Variants in SZT2 observed in about 807,000 individuals in gnomAD.
The protein encoded by SZT2 is SZT2 subunit of KICSTOR complex, also known as KICSTOR complex protein SZT2.
A neutral mutation model predicts 404.2 loss-of-function variants in SZT2; 216 were observed. The observed-to-expected ratio is 0.53, with a 90% confidence interval of 0.48 to 0.60. The LOEUF (loss-of-function observed/expected upper bound fraction) is 0.60, where lower values mean the gene tolerates loss of function less well. Ranked by LOEUF, SZT2 falls within the 20% of genes least tolerant of loss-of-function variation. SZT2 has a pLI of 0.00. For synonymous variants in SZT2, 1,693 were observed against 1,749.9 expected (o/e 0.97, Z 0.81); for missense variants, 3,857 against 4,459.2 (o/e 0.86, Z 3.85).
chr1:43,431,945 C>G, intron 36 of SZT2, 44 bp downstream of exon 36: 17 of 1,604,490 alleles, frequency 1.1e-5, no homozygotes, highest in Non-Finnish European at 1.4e-5. Context: ...TGGGGCCCGT[C>G]CTTCCCTGGG....
Position 43,430,677 on chromosome 1 carries a change from G to A in SZT2, c.4662G>A (p.Gly1554=). ...FSILGGDSPT[G]PESFLHDLPP... ...TCTTGGGGGGCGACTCACCCACTGG[G>A]CCTGAGAGCTTCCTTCATGACCTGC... Residue 1554 remains glycine (G), a synonymous_variant, in exon 32 of 72, where the codon GGG becomes GGA. Coordinates refer to ENST00000634258, the MANE Select transcript of SZT2 (RefSeq NM_001365999.1). 1 of 1,614,024 alleles carries A rather than the reference G, an allele frequency of 6.2e-7. No individual in the cohort carries two copies. Among genetic ancestry groups the A allele is most frequent in the Non-Finnish European group, 8.5e-7 (1 of 1,180,036 alleles).
chr1:43,408,796 G>T (rs1351323373), intron 4 of SZT2, among the ~76,000 whole-genome samples: 4 of 152,022 alleles, frequency 2.6e-5, no homozygotes, highest in Non-Finnish European at 4.4e-5. Context: ...AGTTCTGCTC[G>T]TTTTCCTTCC....
At position 43,419,823 on chromosome 1, in the gene SZT2, C is replaced by A. The variant is rs773877052; in HGVS notation, c.969C>A (p.Ser323=). Residue 323 remains serine (S), a synonymous_variant, in exon 8 of 72, where the codon TCC becomes TCA. Transcript: ENST00000634258. ...MKFIAMATFG[S]YLSTCPEPEP... Reference sequence around the variant, plus strand: ...TCATCGCAATGGCAACATTTGGGTCCTACCTGTCCACTTGTCCTGAGCCGG... The same window carrying A: ...TCATCGCAATGGCAACATTTGGGTCATACCTGTCCACTTGTCCTGAGCCGG... 6.9e-6 allele frequency: 11 copies of A among 1,598,482 alleles called. No homozygotes were observed. The highest frequency in any genetic ancestry group is 9.3e-6 in the Non-Finnish European group (11 of 1,179,810).
At position 43,425,616 on chromosome 1, in the gene SZT2, C is replaced by T. The variant is rs148208657; in HGVS notation, c.2788C>T (p.Leu930=). 59 of 1,614,110 alleles carry T rather than the reference C, an allele frequency of 3.7e-5. No individual in the cohort carries two copies. The African/African-American group carries it at 6.5e-4, about 18-fold the overall frequency. The change falls in exon 19 of 72, where the codon CTG becomes TTG. Residue 930 remains leucine, a synonymous_variant. Coordinates refer to ENST00000634258, the MANE Select transcript of SZT2 (RefSeq NM_001365999.1). The surrounding 1 kb of genome is among the most constrained non-coding windows in gnomAD (Gnocchi z 4.3). ...GPGIWKHLQD[L]TYSEIPQALH... ...TGGAATCTGGAAGCACCTCCAGGAC[C>T]TGACGTATTCTGAGATCCCGCAAGC...
chr1:43,440,239 C>T (rs995893974), intron 51 of SZT2, among the ~76,000 whole-genome samples, 191 bp downstream of exon 51: 5 of 152,330 alleles, frequency 3.3e-5, no homozygotes, highest in East Asian at 3.9e-4. Flanking sequence ...CAGCAGTGAA[C>T]GGATGCAGCT....
chr1:43,403,565 C>T (rs1472093093), intron 2 of SZT2, 36 bp from the exon 3 acceptor site: 1 of 1,600,776 alleles, frequency 6.2e-7, no homozygotes, highest in East Asian at 2.2e-5. Context: ...GGATACTTCG[C>T]TGATCCTTTC....
chr1:43,422,247 C>A (rs1652451221), intron 12 of SZT2, 22 bp downstream of exon 12: 4 of 1,560,594 alleles, frequency 2.6e-6, no homozygotes, highest in South Asian at 1.1e-5. Flanking sequence ...TAGGGCTGGG[C>A]CATAGTTGGG....
rs1655943020 is a variant in SZT2 at position 43,448,320 on chromosome 1, G to A, written c.9805G>A (p.Ala3269Thr). Residue 3269 changes from alanine (A) to threonine (T), a missense_variant, in exon 69 of 72, where the codon GCT becomes ACT. By Grantham distance (58) the Ala-to-Thr change is moderately conservative. Around this residue, in one of 7 missense-constraint regions of SZT2, gnomAD observed 717 missense variants for 868.2 expected, o/e 0.83. Transcript: ENST00000634258. This position sits in a 1 kb window ranked among gnomAD's most constrained non-coding sequence, Gnocchi z 4.2. ...RARLAQLVRL[A>T]GGHCRRDTLW... ...ACGGCTGGCTCAGCTGGTGCGGCTG[G>A]CTGGAGGGCACTGCCGTCGGGACAC... 1 of 1,553,068 alleles carries A rather than the reference G, an allele frequency of 6.4e-7. No homozygotes were observed. Among genetic ancestry groups the A allele is most frequent in the Non-Finnish European group, 8.7e-7 (1 of 1,148,466 alleles).
Position 43,452,273 on chromosome 1 carries a change from C to T in SZT2, c.*1793C>T. On this transcript the variant is annotated 3_prime_UTR_variant, in exon 72 of 72. Coordinates refer to ENST00000634258, the MANE Select transcript of SZT2 (RefSeq NM_001365999.1). ...ACGGCCTCCATCTCAGCCTTGACTG[C>T]TATTCGATCAGCTCCCTGGGGTACT... 6.2e-7 allele frequency: 1 copy of T among 1,614,142 alleles called. No individual in the cohort carries two copies. The highest frequency in any genetic ancestry group is 8.5e-7 in the Non-Finnish European group (1 of 1,180,004).
At chr1:43,410,978 G>A (rs755673097) in intron 4 of SZT2, among the ~76,000 whole-genome samples, 14 of 152,074 alleles carry the variant, frequency 9.2e-5, no homozygotes, top group Non-Finnish European at 1.9e-4. Flanking sequence ...GCAGGGTGAG[G>A]GAGGCCATTC....
intron 66 of SZT2, 152 bp downstream of exon 66, chr1:43,447,320 G>T: frequency 8.9e-7 from 1 of 1,125,410 alleles, no homozygotes; most frequent in Non-Finnish European, 1.3e-6. Flanking sequence ...TTTCTGTCCT[G>T]TGTCTGTTTC....
In SZT2 at chr1:43,426,161, C is replaced by G. The variant is rs752209815; in HGVS notation, c.3043+10C>G. 7 of 1,612,680 alleles carry G rather than the reference C, an allele frequency of 4.3e-6. No homozygotes were observed. Among genetic ancestry groups the G allele is most frequent in the Non-Finnish European group, 5.9e-6 (7 of 1,178,834 alleles). On this transcript the variant is annotated intron_variant, in intron 21 of 71. Coordinates refer to ENST00000634258, the MANE Select transcript of SZT2 (RefSeq NM_001365999.1). This position sits in a 1 kb window ranked among gnomAD's most constrained non-coding sequence, Gnocchi z 4.9. ...CTCTTGCTTGCCAGAGGTAGGTGAA[C>G]CTGGTACCCTTTCACCCCACACCTA... is the stretch of plus-strand genomic sequence containing the variant.
chr1:43,414,525 T>G (rs1651470754), intron 4 of SZT2, among the ~76,000 whole-genome samples: 1 of 152,064 alleles, frequency 6.6e-6, no homozygotes, highest in Admixed American at 6.6e-5. Context: ...AGGTCCCAGT[T>G]AAGCAATTCT....
At chr1:43,391,932 A>AC (rs1648402712) in intron 1 of SZT2, among the ~76,000 whole-genome samples, 4 of 69,296 alleles carry the variant, frequency 5.8e-5, no homozygotes, top group African/African-American at 1.2e-4. Flanking sequence ...AAAATACAAA[A>AC]AATTAGCTGG....
intron 52 of SZT2, among the ~76,000 whole-genome samples, chr1:43,440,988 C>T (rs947572639): frequency 3.3e-5 from 5 of 152,170 alleles, no homozygotes; most frequent in Admixed American, 1.3e-4. Flanking sequence ...TTTTTCTTGT[C>T]GGATCCTCAC....
At position 43,443,350 on chromosome 1, in the gene SZT2, A is replaced by G. The variant is rs1405655263; in HGVS notation, c.8500-2A>G. 2 of 1,613,992 alleles carry G rather than the reference A, an allele frequency of 1.2e-6. No individual in the cohort carries two copies. Among genetic ancestry groups the G allele is most frequent in the South Asian group, 1.1e-5 (1 of 91,082 alleles). ...TCCATGCTCACTGCCCTGTTTCCCC[A>G]GGCTGGAGAGCTGGAGACCCTGAAG... On this transcript the variant is annotated splice_acceptor_variant, in intron 60 of 71. Transcript: ENST00000634258. LOFTEE classifies it high-confidence loss of function.
chr1:43,436,853 A>G, intron 42 of SZT2: 2 of 388,784 alleles, frequency 5.1e-6, no homozygotes, highest in Non-Finnish European at 9.4e-6. Context: ...CTACTGACAT[A>G]TATTATGACA....
At position 43,427,315 on chromosome 1, in the gene SZT2, A is replaced by T. The variant is rs967584094; in HGVS notation, c.3468A>T (p.Gly1156=). 1.2e-6 allele frequency: 2 copies of T among 1,612,610 alleles called. No homozygotes were observed. Among genetic ancestry groups the T allele is most frequent in the Non-Finnish European group, 1.7e-6 (2 of 1,179,436 alleles). ...VQRLAACGLE[G]PPQEETKPKF... ...GTCTGGCTGCCTGTGGCCTGGAGGG[A>T]CCCCCTCAAGAGGAGACAAAGCCTA... The change falls in exon 25 of 72, where the codon GGA becomes GGT. Residue 1156 remains glycine, a synonymous_variant. Coordinates refer to ENST00000634258, the MANE Select transcript of SZT2 (RefSeq NM_001365999.1).
chr1:43,425,311 G>C lies in SZT2; in HGVS notation c.2645+104G>C. 6.6e-7 allele frequency: 1 copy of C among 1,525,422 alleles called. No homozygotes were observed. The highest frequency in any genetic ancestry group is 1.8e-5 in the Admixed American group (1 of 56,618). 94.5% of individuals were successfully genotyped at this position (1,525,422 alleles called of 1,614,324 possible). A position where few individuals can be genotyped will look rare whatever the true frequency, so the allele number is the denominator to read the frequency against. On this transcript the variant is annotated intron_variant, in intron 18 of 71. Transcript: ENST00000634258. The surrounding 1 kb of genome is among the most constrained non-coding windows in gnomAD (Gnocchi z 4.3). ...ATCCTGAGATGATCTTGATCCCAAA[G>C]TCAGGGAGGGGGTGCGGTGTTTAGA...
Sources: allele counts gnomAD v4.1 joint callset (sites outside exome capture counted in the v4.1 genomes callset), GRCh38; gene constraint gnomAD v4.1.1; regional missense constraint gnomAD v4.1.1; non-coding constraint Gnocchi (gnomAD v3.1); transcripts MANE v1.5; gene names NCBI Gene and HGNC (gene_info 2026-07-23, HGNC 2026-07-21).